Variants in PUSL1 observed in about 807,000 individuals in gnomAD.
PUSL1 encodes pseudouridine synthase like 1.
PUSL1 carries 51 observed loss-of-function variants against 30.7 expected under a neutral mutation model. The observed-to-expected ratio is 1.66, with a 90% CI of 1.33 to 2.10. PUSL1 has a LOEUF of 2.10. Ranked by LOEUF, PUSL1 falls within the 30% of genes most tolerant of loss-of-function variation. The probability of loss-of-function intolerance (pLI) is 0.00; values close to 1 mark genes in which losing one functional copy is unlikely to be tolerated. For missense variants in PUSL1, 609 were observed against 427.6 expected (o/e 1.42, Z -3.74); for synonymous variants, 290 against 192.1 (o/e 1.51, Z -4.21).
rs1050498490 is a variant in PUSL1 at position 1,311,039 on chromosome 1, T to C, written c.830T>C (p.Leu277Ser). 6.2e-6 allele frequency: 10 copies of C among 1,612,004 alleles called. No homozygotes were observed. Among genetic ancestry groups the C allele is most frequent in the Non-Finnish European group, 7.6e-6 (9 of 1,179,332 alleles). The stretch of plus-strand genomic sequence containing the variant: ...ACACGTGTAGCCCCAGCCCACGGCT[T>C]ATTCCTCAAGTCAGTGCTGTACGGG... ...HQTRVAPAHG[L>S]FLKSVLYGNL... Residue 277 changes from leucine (L) to serine (S), a missense_variant, in exon 7 of 8, where the codon TTA becomes TCA. Coordinates refer to ENST00000379031, the MANE Select transcript of PUSL1 (RefSeq NM_153339.3).
rs1189910628 is a variant in PUSL1, at chr1:1,309,455, G to C, written c.325G>C (p.Val109Leu). Residue 109 changes from valine to leucine, a missense_variant and splice_region_variant, in exon 4 of 8, where the codon GTC becomes CTC. Coordinates refer to ENST00000379031, the MANE Select transcript of PUSL1 (RefSeq NM_153339.3). ...NTHLRHPAIRVLRAFRVPSDF... is the reference protein window; with the variant it reads ...NTHLRHPAIRLLRAFRVPSDF... ...GGTGAGCTTTACCTGCCGCCATAGGGTCCTGCGGGCCTTCCGAGTGCCCAG... is the reference window on the plus strand; with the variant it reads ...GGTGAGCTTTACCTGCCGCCATAGGCTCCTGCGGGCCTTCCGAGTGCCCAG... 1.9e-6 allele frequency: 3 copies of C among 1,599,448 alleles called. No homozygotes were observed. The African/African-American group carries it at 4.0e-5, about 21-fold the overall frequency.
chr1:1,311,508 TC>T lies in PUSL1; in HGVS notation c.*132del. ...CTCCACAGTAGCCTCCCTGCCCGGG[TC>T]CCAGCACCCTGGATGCCCGTCTCTG... On this transcript the variant is annotated 3_prime_UTR_variant, in exon 8 of 8. Transcript: ENST00000379031. 1 of 989,030 alleles carries T rather than the reference TC, an allele frequency of 1.0e-6. No homozygotes were observed. Among genetic ancestry groups the T allele is most frequent in the Non-Finnish European group, 1.5e-6 (1 of 646,004 alleles). 61.3% of individuals were successfully genotyped at this position (989,030 alleles called of 1,614,324 possible). A position where few individuals can be genotyped will look rare whatever the true frequency, so the allele number is the denominator to read the frequency against.
chr1:1,310,987 A>T lies in PUSL1; in HGVS notation c.778A>T (p.Ser260Cys). ...TGCCCAGGTGAAGACGATTCTGGAG[A>T]GCCAAGATCCCCTGGGCAAGCACCA... is the stretch of plus-strand genomic sequence containing the variant. ...APAQVKTILE[S>C]QDPLGKHQTR... The change falls in exon 7 of 8, where the codon AGC (serine) becomes TGC (cysteine). Residue 260 changes from serine (S) to cysteine (C), a missense_variant. Ser to Cys is a moderately radical substitution (Grantham distance 112). Coordinates refer to ENST00000379031, the MANE Select transcript of PUSL1 (RefSeq NM_153339.3). 6.2e-7 allele frequency: 1 copy of T among 1,611,144 alleles called. No individual in the cohort carries two copies. Among genetic ancestry groups the T allele is most frequent in the Non-Finnish European group, 8.5e-7 (1 of 1,179,906 alleles).
Position 1,311,611 on chromosome 1 carries a change from G to A in PUSL1, c.*232G>A. The A allele has an allele frequency of 2.8e-6, 2 of 715,230 alleles. No homozygotes were observed. Among genetic ancestry groups the A allele is most frequent in the South Asian group, 1.5e-5 (1 of 67,040 alleles). 44.3% of individuals were successfully genotyped at this position (715,230 alleles called of 1,614,324 possible). On this transcript the variant is annotated 3_prime_UTR_variant, in exon 8 of 8. Transcript: ENST00000379031. The stretch of plus-strand genomic sequence containing the variant: ...AGAGTACCAAGTAGTCTTTTGTTCA[G>A]CTTTTACTGGAAACTGCTGTCTAGG...
At chr1:1,310,180 C>T (rs1388731211) in intron 5 of PUSL1, 9 of 372,860 alleles carry the variant, frequency 2.4e-5, no homozygotes, top group South Asian at 5.0e-5. Flanking sequence ...AGCACTGTCC[C>T]GAGGGCCACC....
At position 1,308,912 on chromosome 1, in the gene PUSL1, C is replaced by T. The variant is rs1641923044; in HGVS notation, c.78-3C>T. The T allele has an allele frequency of 1.4e-6, 2 of 1,414,936 alleles. No homozygotes were observed. Among genetic ancestry groups the T allele is most frequent in the Admixed American group, 3.3e-5 (1 of 30,554 alleles). 87.6% of individuals were successfully genotyped at this position (1,414,936 alleles called of 1,614,324 possible). ...GGTAACCTCCGCCCGCTTCTGCCCG[C>T]AGCGGGGTCGCGGCCGTCAGGGGCA... is the stretch of plus-strand genomic sequence containing the variant. On this transcript the variant is annotated splice_region_variant and splice_polypyrimidine_tract_variant and intron_variant, in intron 1 of 7. Transcript: ENST00000379031.
At position 1,311,345 on chromosome 1, in the gene PUSL1, C is replaced by G; in HGVS notation, c.878C>G (p.Thr293Ser). ...LYGNLGAASC[T>S]LQGPQFGSHG is the part of the protein sequence containing the mutation. ...CCGTCCACAGGTGCTGCCTCCTGCA[C>G]CCTGCAGGGGCCACAGTTCGGGAGC... Residue 293 changes from threonine to serine, a missense_variant, in exon 8 of 8, where the codon ACC (threonine) becomes AGC (serine). By Grantham distance (58) the Thr-to-Ser change is moderately conservative. Transcript: ENST00000379031. The G allele has an allele frequency of 2.5e-6, 4 of 1,590,076 alleles. No homozygotes were observed. The African/African-American group carries it at 5.4e-5, about 21-fold the overall frequency.
Position 1,309,287 on chromosome 1 carries a change from C to T in PUSL1, c.323+14C>T, listed in dbSNP as rs769010600. ...CCCGGCCATCAGGTGAGCCCGCGAC[C>T]TAAGCAGCCCTGGGGCTGTGCCTTC... On this transcript the variant is annotated intron_variant, in intron 3 of 7. Transcript: ENST00000379031. 2 of 1,470,880 alleles carry T rather than the reference C, an allele frequency of 1.4e-6. No individual in the cohort carries two copies. Among genetic ancestry groups the T allele is most frequent in the African/African-American group, 1.4e-5 (1 of 71,502 alleles). The allele number at this position is 1,470,880 out of a possible 1,614,324, so 91.1% of individuals were successfully genotyped here.
At position 1,308,936 on chromosome 1, in the gene PUSL1, C is replaced by T; in HGVS notation, c.99C>T (p.Gly33=). 7.0e-7 allele frequency: 1 copy of T among 1,421,260 alleles called. No individual in the cohort carries two copies. Among genetic ancestry groups the T allele is most frequent in the Non-Finnish European group, 9.2e-7 (1 of 1,091,170 alleles). 88.0% of individuals were successfully genotyped at this position (1,421,260 alleles called of 1,614,324 possible). The change falls in exon 2 of 8, where the codon GGC becomes GGT. Residue 33 remains glycine, a synonymous_variant. Coordinates refer to ENST00000379031, the MANE Select transcript of PUSL1 (RefSeq NM_153339.3). Reference sequence around the variant, plus strand: ...GCAGCGGGGTCGCGGCCGTCAGGGGCACTCAGCGCGCCGTCGGGGTCCAGA... The same window carrying T: ...GCAGCGGGGTCGCGGCCGTCAGGGGTACTCAGCGCGCCGTCGGGGTCCAGA... The part of the protein sequence containing the change: ...TDFNGVAAVR[G]TQRAVGVQNY...
intron 7 of PUSL1, 115 bp from the exon 8 acceptor site, chr1:1,311,215 G>T (rs1642127079): frequency 1.4e-6 from 2 of 1,402,554 alleles, no homozygotes; most frequent in Non-Finnish European, 1.9e-6. Context: ...CCTCAGGCCA[G>T]CCCGTAGCCC....
rs1203494083 is a variant in PUSL1 at position 1,309,687 on chromosome 1, G to A, written c.480G>A (p.Leu160=). Residue 160 remains leucine (L), a synonymous_variant, in exon 5 of 8, where the codon CTG becomes CTA. Coordinates refer to ENST00000379031, the MANE Select transcript of PUSL1 (RefSeq NM_153339.3). ...GTCACCCTGGTCCCTGAAGCTGCCT[G>A]GATATGGTCGCCATGCAGGAAGCCG... ...NLCWTLPADC[L]DMVAMQEAAQ... is the part of the protein sequence containing the mutation. The A allele has an allele frequency of 3.8e-6, 6 of 1,595,724 alleles. No individual in the cohort carries two copies. Among genetic ancestry groups the A allele is most frequent in the African/African-American group, 1.3e-5 (1 of 74,746 alleles).
At chr1:1,308,827 C>G in intron 1 of PUSL1, 88 bp from the exon 2 acceptor site, 1 of 1,440,860 alleles carries the variant, frequency 6.9e-7, no homozygotes, top group East Asian at 3.0e-5. Flanking sequence ...TCCAAACGTT[C>G]GGGGAAGGAA....
chr1:1,310,125 C>A (rs1036904338), intron 5 of PUSL1: 1 of 482,474 alleles, frequency 2.1e-6, no homozygotes, highest in Non-Finnish European at 3.7e-6. Flanking sequence ...CTGGAAAGGT[C>A]TCACTGGTGC....
In PUSL1 at chr1:1,311,406, C is replaced by T. The variant is rs1381059205; in HGVS notation, c.*27C>T. ...CCTGGACACTCAAGCCAAAGTTAGG[C>T]CACACCAGGCCCAACCCTGTGCTGG... On this transcript the variant is annotated 3_prime_UTR_variant, in exon 8 of 8. Transcript: ENST00000379031. 6.3e-7 allele frequency: 1 copy of T among 1,593,822 alleles called. No individual in the cohort carries two copies. Among genetic ancestry groups the T allele is most frequent in the Admixed American group, 1.7e-5 (1 of 57,734 alleles).
rs1557624274 is a variant in PUSL1, at chr1:1,310,918, A to T, written c.709A>T (p.Met237Leu). The T allele has an allele frequency of 3.1e-6, 5 of 1,612,618 alleles. No individual in the cohort carries two copies. The African/African-American group carries it at 4.0e-5, about 13-fold the overall frequency. Residue 237 changes from methionine to leucine, a missense_variant, in exon 7 of 8, where the codon ATG (methionine) becomes TTG (leucine). Met to Leu is a conservative substitution (Grantham distance 15). Coordinates refer to ENST00000379031, the MANE Select transcript of PUSL1 (RefSeq NM_153339.3). Reference protein sequence around the residue: ...QSFLYRQVRRMTAVLVAVGLG... With the variant: ...QSFLYRQVRRLTAVLVAVGLG... ...TGGCTCTGGGTCACAGGTACGGAGG[A>T]TGACGGCTGTGCTGGTGGCCGTGGG...
Position 1,309,221 on chromosome 1 carries a change from C to G in PUSL1, c.271C>G (p.Pro91Ala), listed in dbSNP as rs887118859. ...CCGCTCAGGCCGGCCGCCCTTCCCG[C>G]CCGAGGTCCTGGCCGAGGCCCTCAA... ...QRRSGRPPFPPEVLAEALNTH... is the reference protein window; with the variant it reads ...QRRSGRPPFPAEVLAEALNTH... Residue 91 changes from proline (P) to alanine (A), a missense_variant, in exon 3 of 8, where the codon CCC becomes GCC. Coordinates refer to ENST00000379031, the MANE Select transcript of PUSL1 (RefSeq NM_153339.3). The G allele has an allele frequency of 1.3e-6, 2 of 1,519,564 alleles. No individual in the cohort carries two copies. Among genetic ancestry groups the G allele is most frequent in the South Asian group, 1.3e-5 (1 of 79,430 alleles). The allele number at this position is 1,519,564 out of a possible 1,614,324, so 94.1% of individuals were successfully genotyped here. A position where few individuals can be genotyped will look rare whatever the true frequency, so the allele number is the denominator to read the frequency against.
rs562262342 is a variant in PUSL1 at position 1,309,349 on chromosome 1, G to A, written c.323+76G>A. The A allele has an allele frequency of 5.6e-5, 82 of 1,464,382 alleles. No individual in the cohort carries two copies. In the African/African-American group the frequency reaches 9.3e-4, roughly 17 times the overall value. The allele number at this position is 1,464,382 out of a possible 1,614,324, so 90.7% of individuals were successfully genotyped here. A position where few individuals can be genotyped will look rare whatever the true frequency, so the allele number is the denominator to read the frequency against. On this transcript the variant is annotated intron_variant, in intron 3 of 7. Coordinates refer to ENST00000379031, the MANE Select transcript of PUSL1 (RefSeq NM_153339.3). ...TGTCGCGGGCGGAGGCTGGAGATCTGGACAGACTTCCTTGTCTGGTCGGAG... is the reference window on the plus strand; with the variant it reads ...TGTCGCGGGCGGAGGCTGGAGATCTAGACAGACTTCCTTGTCTGGTCGGAG...
chr1:1,310,724 G>A, intron 6 of PUSL1, 36 bp downstream of exon 6: 1 of 1,612,758 alleles, frequency 6.2e-7, no homozygotes, highest in Non-Finnish European at 8.5e-7. Flanking sequence ...CAGGGGGTGG[G>A]GCTGAGGGTG....
At chr1:1,311,202 G>A (rs923282655) in intron 7 of PUSL1, 128 bp from the exon 8 acceptor site, 14 of 1,415,498 alleles carry the variant, frequency 9.9e-6, no homozygotes, top group Middle Eastern at 1.9e-4. Flanking sequence ...CAGGGCTGCA[G>A]TCCCTCAGGC....
Sources: allele counts gnomAD v4.1 joint callset, GRCh38; gene constraint gnomAD v4.1.1; transcripts MANE v1.5; gene names NCBI Gene and HGNC (gene_info 2026-07-23, HGNC 2026-07-21).